Variants in ATG4A observed in about 807,000 individuals in gnomAD.
ATG4A encodes autophagy related 4A cysteine peptidase.
A neutral mutation model predicts 38.4 loss-of-function variants in ATG4A; 22 were observed. The ratio of observed to expected loss-of-function variants is 0.57; its 90% CI spans 0.41 to 0.82. The LOEUF (loss-of-function observed/expected upper bound fraction) is 0.82. Among genes scored for constraint, ATG4A ranks in the 40% least tolerant of loss-of-function variants. The pLI is 0.00. For missense variants in ATG4A, 220 were observed against 290.0 expected, an observed-to-expected ratio of 0.76 and a Z score of 1.75; for synonymous variants, 86 against 100.7, an observed-to-expected ratio of 0.85 and a Z score of 0.88.
chrX:108,152,770 C>G (rs931451124), intron 11 of ATG4A, among the ~76,000 whole-genome samples: 1 of 111,225 alleles, frequency 9.0e-6, no homozygotes, highest in Non-Finnish European at 1.9e-5. Flanking sequence ...AGATACTCCC[C>G]GCAAAGTCCT....
intron 9 of ATG4A, among the ~76,000 whole-genome samples, chrX:108,140,783 A>G (rs1160809213): frequency 1.0e-5 from 1 of 99,835 alleles, no homozygotes; most frequent in African/African-American, 3.6e-5. Flanking sequence ...TAATATATAA[A>G]TATATAACAT....
chrX:108,121,030 G>T (rs2032635343), intron 1 of ATG4A, among the ~76,000 whole-genome samples: 1 of 112,197 alleles, frequency 8.9e-6, no homozygotes. Context: ...AAGAAAACTT[G>T]CTGTTTTGAT....
intron 1 of ATG4A, among the ~76,000 whole-genome samples, chrX:108,105,113 C>A (rs1467053368): frequency 3.6e-5 from 4 of 110,775 alleles, no homozygotes. Flanking sequence ...GGATTGGTTT[C>A]TGGAGATTTA....
At chrX:108,132,134 G>T (rs1243617646) in intron 4 of ATG4A, among the ~76,000 whole-genome samples, 1 of 111,715 alleles carries the variant, frequency 9.0e-6, no homozygotes, top group African/African-American at 3.3e-5. Flanking sequence ...CCTGACCTCA[G>T]AGGATCCACC....
chrX:108,127,414 T>C, intron 2 of ATG4A, among the ~76,000 whole-genome samples: 1 of 111,956 alleles, frequency 8.9e-6, no homozygotes, highest in East Asian at 2.8e-4. Context: ...CTAGTCACCA[T>C]CCAAGCACTT....
In ATG4A at chrX:108,151,794, C is replaced by A. The variant is rs751716598; in HGVS notation, c.961-8C>A. 1 of 1,206,630 alleles carries A rather than the reference C, an allele frequency of 8.3e-7. No homozygotes were observed. Among genetic ancestry groups the A allele is most frequent in the Non-Finnish European group, 1.1e-6 (1 of 891,638 alleles). ...ATTCTAAGTTGTGTTCTTTTGCTTT[C>A]CCCCAAGGGATTTTTCTGCAAAGAA... On this transcript the variant is annotated splice_polypyrimidine_tract_variant and splice_region_variant and intron_variant, in intron 10 of 12. Coordinates refer to ENST00000372232, the MANE Select transcript of ATG4A (RefSeq NM_052936.5).
intron 9 of ATG4A, among the ~76,000 whole-genome samples, chrX:108,141,801 A>G (rs1296147683): frequency 9.0e-6 from 1 of 111,550 alleles, no homozygotes; most frequent in Non-Finnish European, 1.9e-5. Flanking sequence ...AGAGCTTTTT[A>G]CATCTATTGT....
At chrX:108,123,268 T>G (rs1305245017) in intron 1 of ATG4A, among the ~76,000 whole-genome samples, 1 of 112,089 alleles carries the variant, frequency 8.9e-6, no homozygotes, top group Non-Finnish European at 1.9e-5. Context: ...ATAGTCCCTA[T>G]CTCTTTAAAC....
chrX:108,143,203 G>C (rs1487475650), intron 9 of ATG4A, among the ~76,000 whole-genome samples: 1 of 112,402 alleles, frequency 8.9e-6, no homozygotes, highest in East Asian at 2.8e-4. Flanking sequence ...ACAAAAGAAG[G>C]AGGAAATGTT....
At chrX:108,097,446 C>T (rs887322953) in intron 1 of ATG4A, among the ~76,000 whole-genome samples, 2 of 112,069 alleles carry the variant, frequency 1.8e-5, no homozygotes, top group Non-Finnish European at 3.8e-5. Flanking sequence ...TGGTAAACTT[C>T]TATATCTACG....
At chrX:108,126,635 C>T (rs1176637975) in intron 2 of ATG4A, among the ~76,000 whole-genome samples, 1 of 111,632 alleles carries the variant, frequency 9.0e-6, no homozygotes, top group East Asian at 2.8e-4. Context: ...CCATGGACCT[C>T]AGAAACAATA....
In ATG4A at chrX:108,138,133, G is replaced by A. The variant is rs1343402863; in HGVS notation, c.756G>A (p.Gln252=). ...TCCAGGAGTGTTTTAAGATGCCACA[G>A]TCTTTAGGGGCATTAGGAGGAAAAC... ...DAFKECFKMP[Q]SLGALGGKPN... The change falls in exon 9 of 13, where the codon CAG becomes CAA. Residue 252 remains glutamine, a synonymous_variant. Coordinates refer to ENST00000372232, the MANE Select transcript of ATG4A (RefSeq NM_052936.5). The A allele has an allele frequency of 7.4e-6, 9 of 1,210,544 alleles. No individual in the cohort carries two copies. In the South Asian group the frequency reaches 1.2e-4, roughly 17 times the overall value.
chrX:108,110,057 T>G (rs1373888421), intron 1 of ATG4A, among the ~76,000 whole-genome samples: 5 of 109,995 alleles, frequency 4.5e-5, no homozygotes, highest in African/African-American at 1.7e-4. Context: ...GGATACATGG[T>G]GATGTTTTTT....
intron 7 of ATG4A, 112 bp from the exon 8 acceptor site, chrX:108,137,692 G>A: frequency 1.3e-6 from 1 of 760,583 alleles, no homozygotes; most frequent in Non-Finnish European, 1.8e-6. Context: ...AGAGGAGAGG[G>A]CCTTCTAGGC....
At position 108,153,982 on chromosome X, in the gene ATG4A, T is replaced by C. The variant is rs2033650165; in HGVS notation, c.*270T>C. ...GAGTTCATTGCTTCCCAGCTTGTGT[T>C]ATATGGCTACAGCAAGTCTTCAGCT... On this transcript the variant is annotated 3_prime_UTR_variant, in exon 13 of 13. Coordinates refer to ENST00000372232, the MANE Select transcript of ATG4A (RefSeq NM_052936.5). The C allele has an allele frequency of 4.0e-6, 1 of 252,762 alleles. No individual in the cohort carries two copies. The highest frequency in any genetic ancestry group is 2.8e-5 in the African/African-American group (1 of 35,999). 20.8% of individuals were successfully genotyped at this position (252,762 alleles called of 1,213,427 possible). A position where few individuals can be genotyped will look rare whatever the true frequency, so the allele number is the denominator to read the frequency against.
chrX:108,142,184 A>T (rs2033313965), intron 9 of ATG4A, among the ~76,000 whole-genome samples: 1 of 111,441 alleles, frequency 9.0e-6, no homozygotes. Flanking sequence ...AGGCAGGTGG[A>T]TCGCCTGAGC....
intron 9 of ATG4A, among the ~76,000 whole-genome samples, chrX:108,141,057 CGT>C (rs201137877): frequency 0.31 from 12,848 of 41,865 alleles, 2,375 homozygotes; most frequent in Non-Finnish European, 0.35. Flanking sequence ...TACATATATA[CGT>C]GTATATATAT....
At chrX:108,092,805 T>G (rs1192355392) in intron 1 of ATG4A, among the ~76,000 whole-genome samples, 2 of 111,883 alleles carry the variant, frequency 1.8e-5, no homozygotes, top group Non-Finnish European at 3.8e-5. Flanking sequence ...GGGCTCAGAA[T>G]TAGTGTTCCC....
intron 1 of ATG4A, among the ~76,000 whole-genome samples, chrX:108,111,425 G>A (rs892508716): frequency 9.7e-4 from 109 of 112,005 alleles, no homozygotes; most frequent in African/African-American, 3.4e-3. Flanking sequence ...AATAGAATGG[G>A]ACCAGAGTCT....
Sources: gnomAD v4.1 joint callset for allele counts (sites outside exome capture counted in the v4.1 genomes callset) on GRCh38, gnomAD v4.1.1 for gene constraint, MANE v1.5 for transcripts, NCBI Gene and HGNC (gene_info 2026-07-23, HGNC 2026-07-21) for gene names.